Variants in NOTCH2NLA observed in about 807,000 individuals in gnomAD.
The protein encoded by NOTCH2NLA is notch 2 N-terminal like A.
rs1223504509 is a variant in NOTCH2NLA at position 146,158,164 on chromosome 1, TTTA to T, written c.299-1352_299-1350del. The stretch of plus-strand genomic sequence containing the variant: ...TACAGAGATAAGAACTCCTTGAATT[TTTA>T]TTATTATTATTATTATACTTTAAGT... On this transcript the variant is annotated intron_variant, in intron 3 of 4. Coordinates refer to ENST00000362074, the Ensembl canonical transcript of NOTCH2NLA. Among the ~76,000 whole-genome samples the T allele has an allele frequency of 4.0e-3, 606 of 150,366 alleles. 6 individuals carry two copies. Among genetic ancestry groups the T allele is most frequent in the African/African-American group, 0.013 (541 of 40,352 alleles).
chr1:146,180,774 T>A lies in NOTCH2NLA; in HGVS notation c.38+8526A>T, dbSNP rs587676290. ...AGAGGAGGCCTAATGAAAACCTCTA[T>A]CACACCCACATATTTATGCTAGCTT... On this transcript the variant is annotated intron_variant, in intron 2 of 4. Transcript: ENST00000362074. Among the ~76,000 whole-genome samples, 21 of 136,746 alleles carry A rather than the reference T, an allele frequency of 1.5e-4. 1 individual carries two copies. The South Asian group carries it at 4.5e-3, about 29-fold the overall frequency. 89.7% of individuals were successfully genotyped at this position (136,746 alleles called of 152,430 possible). A position where few individuals can be genotyped will look rare whatever the true frequency, so the allele number is the denominator to read the frequency against.
rs782157151 is a variant in NOTCH2NLA, at chr1:146,228,909, G to A, written c.-245C>T. The A allele has an allele frequency of 8.1e-5, 119 of 1,468,816 alleles. 3 individuals are homozygous for A. The highest frequency in any genetic ancestry group is 2.4e-4 in the Admixed American group (9 of 38,056). 91.0% of individuals were successfully genotyped at this position (1,468,816 alleles called of 1,614,324 possible). A position where few individuals can be genotyped will look rare whatever the true frequency, so the allele number is the denominator to read the frequency against. ...CTGCTTCAAAGGCTCAGGCCCTGGC[G>A]CTACGCTCCGAAGCCCAGCGCAAAT... On this transcript the variant is annotated 5_prime_UTR_variant, in exon 1 of 5. Transcript: ENST00000362074.
At chr1:146,159,966 CAA>C (rs782308523) in intron 3 of NOTCH2NLA, among the ~76,000 whole-genome samples, 68 of 7,376 alleles carry the variant, frequency 9.2e-3, no homozygotes, top group African/African-American at 0.015. Flanking sequence ...TACTCCATCT[CAA>C]AAAAAAAAAA....
At chr1:146,172,908 T>C (rs1454787181) in intron 2 of NOTCH2NLA, among the ~76,000 whole-genome samples, 4 of 145,784 alleles carry the variant, frequency 2.7e-5, no homozygotes, top group African/African-American at 9.7e-5. Context: ...AGGCTAAATT[T>C]CATGTGATGG....
chr1:146,188,042 T>C lies in NOTCH2NLA; in HGVS notation c.38+1258A>G, dbSNP rs1571310488. Among the ~76,000 whole-genome samples, 12 of 131,288 alleles carry C rather than the reference T, an allele frequency of 9.1e-5. 2 individuals carry two copies. In the South Asian group the frequency reaches 2.7e-3, roughly 29 times the overall value. 86.1% of individuals were successfully genotyped at this position (131,288 alleles called of 152,430 possible). ...AATCTTGTTTATAACATTAAAAAACTAAATCCTGGTGTCAGAACAGATCTC... is the reference window on the plus strand; with the variant it reads ...AATCTTGTTTATAACATTAAAAAACCAAATCCTGGTGTCAGAACAGATCTC... On this transcript the variant is annotated intron_variant, in intron 2 of 4. Transcript: ENST00000362074.
intron 2 of NOTCH2NLA, among the ~76,000 whole-genome samples, chr1:146,172,628 T>G (rs1166889186): frequency 6.6e-6 from 1 of 151,566 alleles, no homozygotes; most frequent in Admixed American, 6.6e-5. Flanking sequence ...TTTTCAAAAA[T>G]CTGCTGTAAA....
chr1:146,176,647 C>T (rs1445699689), intron 2 of NOTCH2NLA, among the ~76,000 whole-genome samples: 1 of 135,836 alleles, frequency 7.4e-6, no homozygotes, highest in Admixed American at 7.8e-5. Flanking sequence ...TGCTATAGTA[C>T]ACTACTTCTC....
intron 1 of NOTCH2NLA, among the ~76,000 whole-genome samples, chr1:146,198,509 C>T (rs868970122): frequency 9.2e-3 from 33 of 3,606 alleles, no homozygotes; most frequent in African/African-American, 0.028. Flanking sequence ...CCAACATGAT[C>T]ACAGTTTACA....
intron 2 of NOTCH2NLA, among the ~76,000 whole-genome samples, chr1:146,188,005 A>G (rs1236943025): frequency 7.5e-6 from 1 of 134,190 alleles, no homozygotes; most frequent in Non-Finnish European, 1.7e-5. Flanking sequence ...ATTATTTCTG[A>G]CTTGAAAAAA....
intron 1 of NOTCH2NLA, among the ~76,000 whole-genome samples, chr1:146,200,438 A>AATATATATATATATATAT (rs1553813674): frequency 5.0e-5 from 1 of 19,868 alleles, no homozygotes; most frequent in East Asian, 9.8e-4. Flanking sequence ...AAAAAAAAAA[A>AATATATATATATATATAT]ATATATATAT....
chr1:146,174,400 CTTTTTTTTT>C (rs1209878010), intron 2 of NOTCH2NLA, among the ~76,000 whole-genome samples: 53 of 95,780 alleles, frequency 5.5e-4, no homozygotes, highest in African/African-American at 2.0e-3. Context: ...CTGTCTTTAG[CTTTTTTTTT>C]TTTTTTTTTT....
At chr1:146,187,361 T>G (rs2746802) in intron 2 of NOTCH2NLA, among the ~76,000 whole-genome samples, 1 of 133,724 alleles carries the variant, frequency 7.5e-6, no homozygotes, top group Non-Finnish European at 1.7e-5. Context: ...GTCCTTATAG[T>G]AGAATGATTT....
chr1:146,172,490 G>A (rs587613394), intron 2 of NOTCH2NLA, among the ~76,000 whole-genome samples: 13 of 151,310 alleles, frequency 8.6e-5, no homozygotes, highest in African/African-American at 1.2e-4. Flanking sequence ...TCCATAACTC[G>A]AACACTCCAT....
At position 146,171,408 on chromosome 1, in the gene NOTCH2NLA, G is replaced by A. The variant is rs1457109684; in HGVS notation, c.39-6398C>T. Among the ~76,000 whole-genome samples, 2 of 140,852 alleles carry A rather than the reference G, an allele frequency of 1.4e-5. 1 individual carries two copies. The highest frequency in any genetic ancestry group is 3.3e-5 in the Non-Finnish European group (2 of 61,210). 92.4% of individuals were successfully genotyped at this position (140,852 alleles called of 152,430 possible). ...ATCGCGCCACTGCACTCCAGCCTGG[G>A]CAACAGAGCGAGACTCCCTCTCAAA... On this transcript the variant is annotated intron_variant, in intron 2 of 4. Coordinates refer to ENST00000362074, the Ensembl canonical transcript of NOTCH2NLA.
chr1:146,170,532 G>A (rs1661908678), intron 2 of NOTCH2NLA, among the ~76,000 whole-genome samples: 1 of 141,312 alleles, frequency 7.1e-6, no homozygotes, highest in East Asian at 2.0e-4. Context: ...TGTAAAGAAA[G>A]GGAAATAGAC....
chr1:146,174,400 C>CTTT (rs1209878010), intron 2 of NOTCH2NLA, among the ~76,000 whole-genome samples: 8,225 of 95,648 alleles, frequency 0.086, 282 homozygotes, highest in African/African-American at 0.2. Flanking sequence ...CTGTCTTTAG[C>CTTT]TTTTTTTTTT....
In NOTCH2NLA at chr1:146,228,949, C is replaced by T. The variant is rs782182297; in HGVS notation, c.-285G>A. On this transcript the variant is annotated 5_prime_UTR_variant, in exon 1 of 5. Coordinates refer to ENST00000362074, the Ensembl canonical transcript of NOTCH2NLA. ...CCAGCGCAAATGCCTCGACTCCCCGCGCCCCGAGTCCGCCGCTCCTCGGCC... is the reference window on the plus strand; with the variant it reads ...CCAGCGCAAATGCCTCGACTCCCCGTGCCCCGAGTCCGCCGCTCCTCGGCC... 28 of 1,443,832 alleles carry T rather than the reference C, an allele frequency of 1.9e-5. 1 individual carries two copies. The highest frequency in any genetic ancestry group is 2.5e-5 in the Non-Finnish European group (28 of 1,107,648). The allele number at this position is 1,443,832 out of a possible 1,614,324, so 89.4% of individuals were successfully genotyped here.
chr1:146,180,082 G>T (rs1376243702), intron 2 of NOTCH2NLA, among the ~76,000 whole-genome samples: 1 of 142,242 alleles, frequency 7.0e-6, no homozygotes, highest in Non-Finnish European at 1.6e-5. Context: ...TTAAACTTTT[G>T]TTTGAAAAGT....
intron 3 of NOTCH2NLA, among the ~76,000 whole-genome samples, chr1:146,158,328 A>C (rs1483920639): frequency 1.4e-5 from 2 of 140,760 alleles, no homozygotes; most frequent in African/African-American, 5.3e-5. Flanking sequence ...CCACCACCCC[A>C]CGACAGGCCC....
Sources: allele counts gnomAD v4.1 joint callset (sites outside exome capture counted in the v4.1 genomes callset), GRCh38; gene constraint gnomAD v4.1.1; transcripts MANE v1.5; gene names NCBI Gene and HGNC (gene_info 2026-07-23, HGNC 2026-07-21).